Variants in NUAK2 observed in about 807,000 individuals in gnomAD.
NUAK2 encodes NUAK family kinase 2.
NUAK2 carries 20 observed loss-of-function variants against 29.8 expected under a neutral mutation model. The observed-to-expected ratio is 0.67, with a 90% CI of 0.47 to 0.98. The LOEUF (loss-of-function observed/expected upper bound fraction) is 0.98. NUAK2 is among the 50% of genes least tolerant of loss of function. The probability of loss-of-function intolerance (pLI) is 0.00; values close to 1 mark genes in which losing one functional copy is unlikely to be tolerated. For synonymous variants in NUAK2, 331 were observed against 342.6 expected (o/e 0.97, Z 0.37); for missense variants, 719 against 834.5 (o/e 0.86, Z 1.71).
In NUAK2 at chr1:205,321,730, C is replaced by T. The variant is rs890334904; in HGVS notation, c.-102G>A. The T allele has an allele frequency of 2.3e-5, 22 of 941,094 alleles. No individual in the cohort carries two copies. The highest frequency in any genetic ancestry group is 3.2e-5 in the Non-Finnish European group (20 of 623,714). The allele number at this position is 941,094 out of a possible 1,614,324, so 58.3% of individuals were successfully genotyped here. On this transcript the variant is annotated 5_prime_UTR_variant, in exon 1 of 7. Transcript: ENST00000367157. ...CCCGCACCAGGACGGGGAGCCACAG[C>T]AGTACCAGAGCGCGCAGTAAAGCAC...
Position 205,321,575 on chromosome 1 carries a change from C to T in NUAK2, c.54G>A (p.Glu18=). ...RRSGPTPSAA[E]LARPLAEGLI... The stretch of plus-strand genomic sequence containing the variant: ...GCCCTTCCGCCAGCGGCCGGGCTAG[C>T]TCTGCGGCCGAGGGAGTGGGGCCGG... The change falls in exon 1 of 7, where the codon GAG becomes GAA. Residue 18 remains glutamate, a synonymous_variant. Transcript: ENST00000367157. 2 of 1,613,366 alleles carry T rather than the reference C, an allele frequency of 1.2e-6. No homozygotes were observed. The highest frequency in any genetic ancestry group is 1.7e-6 in the Non-Finnish European group (2 of 1,179,870).
intron 1 of NUAK2, among the ~76,000 whole-genome samples, chr1:205,313,663 CG>C (rs1276059393): frequency 6.6e-6 from 1 of 150,612 alleles, no homozygotes; most frequent in Non-Finnish European, 1.5e-5. Flanking sequence ...CTCAGAGCCT[CG>C]GGTTTTTTTT....
Position 205,304,128 on chromosome 1 carries a change from G to T in NUAK2, c.1209C>A (p.Asn403Lys). 6.2e-7 allele frequency: 1 copy of T among 1,614,182 alleles called. No individual in the cohort carries two copies. The highest frequency in any genetic ancestry group is 8.5e-7 in the Non-Finnish European group (1 of 1,180,030). Residue 403 changes from asparagine (N) to lysine (K), a missense_variant, in exon 7 of 7, where the codon AAC (asparagine) becomes AAA (lysine). Physicochemically the swap from Asn to Lys is moderately conservative, Grantham distance 94 (BLOSUM62 0). This residue lies in a region of NUAK2 where 430 missense variants were observed against 465.7 expected (regional missense o/e 0.92). Coordinates refer to ENST00000367157, the MANE Select transcript of NUAK2 (RefSeq NM_030952.3). The surrounding 1 kb of genome is among the most constrained non-coding windows in gnomAD (Gnocchi z 6.5). ...DDTAHRPGKS[N>K]LKLPKGILKK... ...TGAGAATGCCCTTTGGCAGCTTGAG[G>T]TTGCTCTTGCCAGGGCGATGGGCAG...
intron 1 of NUAK2, among the ~76,000 whole-genome samples, chr1:205,313,468 G>A (rs908743254): frequency 7.2e-5 from 11 of 152,154 alleles, no homozygotes; most frequent in African/African-American, 1.9e-4. Flanking sequence ...GAGGGCTGCC[G>A]AGGTGCAGCT....
In NUAK2 at chr1:205,304,009, A is replaced by G; in HGVS notation, c.1328T>C (p.Leu443Pro). 3 of 1,613,730 alleles carry G rather than the reference A, an allele frequency of 1.9e-6. No homozygotes were observed. The highest frequency in any genetic ancestry group is 1.7e-6 in the Non-Finnish European group (2 of 1,179,840). The change falls in exon 7 of 7, where the codon CTC (leucine) becomes CCC (proline). Residue 443 changes from leucine (L) to proline (P), a missense_variant. Leu to Pro is a moderately conservative substitution (Grantham distance 98). Around this residue, in one of 3 missense-constraint regions of NUAK2, gnomAD observed 430 missense variants for 465.7 expected, o/e 0.92. Transcript: ENST00000367157. The surrounding 1 kb of genome is among the most constrained non-coding windows in gnomAD (Gnocchi z 6.5). ...PASPGQAAPLLPKKGILKKPR... is the reference protein window; with the variant it reads ...PASPGQAAPLPPKKGILKKPR... ...CTTCTTGAGAATGCCCTTCTTGGGG[A>G]GCAGGGGGGCAGCCTGCCCTGGGCT... is the stretch of plus-strand genomic sequence containing the variant.
At position 205,308,790 on chromosome 1, in the gene NUAK2, G is replaced by A. The variant is rs1246957229; in HGVS notation, c.353-58C>T. The A allele has an allele frequency of 1.9e-6, 3 of 1,588,012 alleles. No homozygotes were observed. Among genetic ancestry groups the A allele is most frequent in the Non-Finnish European group, 2.6e-6 (3 of 1,162,610 alleles). ...TCCCAGAGTGCACTGCTCTCCACTG[G>A]GGGTGACTCACTCCTCCCCGACCCC... On this transcript the variant is annotated intron_variant, in intron 2 of 6. Coordinates refer to ENST00000367157, the MANE Select transcript of NUAK2 (RefSeq NM_030952.3). The surrounding 1 kb of genome is among the most constrained non-coding windows in gnomAD (Gnocchi z 4.1).
intron 1 of NUAK2, 24 bp from the exon 2 acceptor site, chr1:205,311,849 G>A (rs1662262079): frequency 6.2e-7 from 1 of 1,612,756 alleles, no homozygotes; most frequent in East Asian, 2.2e-5. Context: ...GCATGAGAGT[G>A]AGGAGAAAGG....
In NUAK2 at chr1:205,303,640, G is replaced by A. The variant is rs1662122879; in HGVS notation, c.1697C>T (p.Pro566Leu). ...CACAGACACACAGCCCCGCAGTGGG[G>A]GCTCTGGGAGCCGTTCAGGCAAGTC... is the stretch of plus-strand genomic sequence containing the variant. ...QLDLPERLPEPPLRGCVSVDN... is the reference protein window; with the variant it reads ...QLDLPERLPELPLRGCVSVDN... The change falls in exon 7 of 7, where the codon CCC becomes CTC. Residue 566 changes from proline to leucine, a missense_variant. Pro to Leu is a moderately conservative substitution (Grantham distance 98, BLOSUM62 -3). Transcript: ENST00000367157. 3 of 1,590,934 alleles carry A rather than the reference G, an allele frequency of 1.9e-6. No homozygotes were observed. The highest frequency in any genetic ancestry group is 2.7e-5 in the African/African-American group (2 of 73,764).
rs1424735141 is a variant in NUAK2, at chr1:205,311,695, C to T, written c.352+10G>A. On this transcript the variant is annotated intron_variant, in intron 2 of 6. Transcript: ENST00000367157. Reference sequence around the variant, plus strand: ...GACCCCCAAGTTCCAGCTTTAAGTGCCCACTGTACCTTCATGGATGGCAAT... The same window carrying T: ...GACCCCCAAGTTCCAGCTTTAAGTGTCCACTGTACCTTCATGGATGGCAAT... The T allele has an allele frequency of 1.9e-6, 3 of 1,613,754 alleles. No homozygotes were observed. The highest frequency in any genetic ancestry group is 2.7e-5 in the African/African-American group (2 of 74,902).
chr1:205,311,640 C>A, intron 2 of NUAK2, 65 bp downstream of exon 2: 3 of 1,573,358 alleles, frequency 1.9e-6, no homozygotes, highest in Admixed American at 3.4e-5. Context: ...CATGTACATA[C>A]GCATGTGAAC....
At chr1:205,319,882 A>G (rs1417902392) in intron 1 of NUAK2, among the ~76,000 whole-genome samples, 1 of 151,096 alleles carries the variant, frequency 6.6e-6, no homozygotes, top group Non-Finnish European at 1.5e-5. Flanking sequence ...AGCAAACACA[A>G]TCTGGGGAAG....
chr1:205,306,331 G>A lies in NUAK2; in HGVS notation c.571-24C>T, dbSNP rs140632710. 354 of 1,601,272 alleles carry A rather than the reference G, an allele frequency of 2.2e-4. No homozygotes were observed. In the African/African-American group the frequency reaches 4.3e-3, roughly 19 times the overall value. On this transcript the variant is annotated intron_variant, in intron 4 of 6. Coordinates refer to ENST00000367157, the MANE Select transcript of NUAK2 (RefSeq NM_030952.3). ...ATCTGCAGGATTGAGTCAAACACGG[G>A]CACAGGTCATGTCAAGGCCTGGGTT...
chr1:205,308,684 C>T lies in NUAK2; in HGVS notation c.401G>A (p.Arg134Gln), dbSNP rs138824143. 117 of 1,614,074 alleles carry T rather than the reference C, an allele frequency of 7.2e-5. No individual in the cohort carries two copies. In the Middle Eastern group the frequency reaches 1.2e-3, roughly 16 times the overall value. ...KIVIVMEYAS[R>Q]GDLYDYISER... ...GCTGATGTAGTCATAAAGGTCGCCC[C>T]GGCTGGCATACTCCATGACGATCAC... Residue 134 changes from arginine to glutamine, a missense_variant, in exon 3 of 7, where the codon CGG (arginine) becomes CAG (glutamine). This residue lies in a region of NUAK2 where 283 missense variants were observed against 345.6 expected (regional missense o/e 0.82). Transcript: ENST00000367157. This position sits in a 1 kb window ranked among gnomAD's most constrained non-coding sequence, Gnocchi z 4.1.
chr1:205,307,188 G>T (rs1662194216), intron 4 of NUAK2, among the ~76,000 whole-genome samples: 1 of 152,156 alleles, frequency 6.6e-6, no homozygotes, highest in African/African-American at 2.4e-5. Flanking sequence ...CACATCAGAG[G>T]GTTATGTGTA....
intron 4 of NUAK2, 140 bp from the exon 5 acceptor site, chr1:205,306,447 C>A: frequency 9.2e-7 from 1 of 1,089,960 alleles, no homozygotes; most frequent in Non-Finnish European, 1.3e-6. Context: ...TTACCCCACA[C>A]TGAGCACTGT....
At chr1:205,319,041 C>T (rs556629658) in intron 1 of NUAK2, among the ~76,000 whole-genome samples, 4 of 152,044 alleles carry the variant, frequency 2.6e-5, no homozygotes, top group Admixed American at 1.3e-4. Flanking sequence ...CACCCCTCTC[C>T]CGCACTGAAG....
At chr1:205,320,157 A>C (rs1013036379) in intron 1 of NUAK2, among the ~76,000 whole-genome samples, 1 of 152,232 alleles carries the variant, frequency 6.6e-6, no homozygotes, top group Non-Finnish European at 1.5e-5. Context: ...AAGTTTGAGA[A>C]CCAGTTAACC....
At position 205,304,570 on chromosome 1, in the gene NUAK2, G is replaced by T; in HGVS notation, c.824-57C>A. ...GCAGCTCCCAGAATAGGCACTCCCT[G>T]TCCCCTGTCCCCAGCTCATCCCCTT... is the stretch of plus-strand genomic sequence containing the variant. On this transcript the variant is annotated intron_variant, in intron 6 of 6. Transcript: ENST00000367157. This position sits in a 1 kb window ranked among gnomAD's most constrained non-coding sequence, Gnocchi z 6.5. 1 of 1,342,692 alleles carries T rather than the reference G, an allele frequency of 7.4e-7. No homozygotes were observed. Among genetic ancestry groups the T allele is most frequent in the Non-Finnish European group, 1.0e-6 (1 of 999,282 alleles). The allele number at this position is 1,342,692 out of a possible 1,614,324, so 83.2% of individuals were successfully genotyped here.
Position 205,306,211 on chromosome 1 carries a change from C to T in NUAK2, c.667G>A (p.Gly223Arg). 6.2e-7 allele frequency: 1 copy of T among 1,613,516 alleles called. No homozygotes were observed. Among genetic ancestry groups the T allele is most frequent in the Non-Finnish European group, 8.5e-7 (1 of 1,179,656 alleles). The change falls in exon 5 of 7, where the codon GGG (glycine) becomes AGG (arginine). Residue 223 changes from glycine to arginine, a missense_variant. Gly to Arg is a moderately radical substitution (Grantham distance 125). Coordinates refer to ENST00000367157, the MANE Select transcript of NUAK2 (RefSeq NM_030952.3). ...ACCTCTGGGCCTGTGTAGGGCTTCC[C>T]ATTGACAATCTCTGGCGAGGCATAG... ...PLYASPEIVN[G>R]KPYTGPEVDS...
Sources: gnomAD v4.1 joint callset for allele counts (sites outside exome capture counted in the v4.1 genomes callset) on GRCh38, gnomAD v4.1.1 for gene constraint, gnomAD v4.1.1 regional missense constraint, Gnocchi (gnomAD v3.1) non-coding constraint, MANE v1.5 for transcripts, NCBI Gene and HGNC (gene_info 2026-07-23, HGNC 2026-07-21) for gene names.